Variants in FXR1 observed in about 807,000 individuals in gnomAD.
FXR1 encodes the protein FMR1 autosomal homolog 1, also known as RNA-binding protein FXR1.
In FXR1, 15 loss-of-function variants were observed where a neutral mutation model predicts 84.0. The ratio of observed to expected loss-of-function variants is 0.18; its 90% CI spans 0.12 to 0.27. The LOEUF is 0.27. FXR1 is among the 10% of genes least tolerant of loss of function. FXR1 has a pLI of 1.00. For synonymous variants in FXR1, 245 were observed against 250.7 expected, an observed-to-expected ratio of 0.98 and a Z score of 0.21; for missense variants, 480 against 774.4, an observed-to-expected ratio of 0.62 and a Z score of 4.51.
intron 10 of FXR1, 98 bp from the exon 11 acceptor site, chr3:180,961,356 AAAAAAAAAAAAGGT>A (rs1361507863): frequency 1.2e-5 from 5 of 427,788 alleles, no homozygotes; most frequent in African/African-American, 6.1e-5. Context: ...AAAAAAAAAA[AAAAAAAAAAAAGGT>A]GTGTGTGTGT....
intron 1 of FXR1, among the ~76,000 whole-genome samples, chr3:180,918,304 AATTTTT>A (rs1481804600): frequency 6.6e-5 from 10 of 151,714 alleles, no homozygotes; most frequent in Non-Finnish European, 1.5e-5. Flanking sequence ...TTATTTTTTT[AATTTTT>A]ATTTTTTAGT....
At chr3:180,941,311 G>C (rs1721097788) in intron 3 of FXR1, among the ~76,000 whole-genome samples, 1 of 151,654 alleles carries the variant, frequency 6.6e-6, no homozygotes, top group South Asian at 2.1e-4. Flanking sequence ...CCCTGTCTCA[G>C]CTTCTTGAGT....
rs535418184 is a variant in FXR1, at chr3:180,954,176, A to G, written c.880+336A>G. The stretch of plus-strand genomic sequence containing the variant: ...CTCCTTTACTCTCTTTTTATCACTG[A>G]TATATATTCATCAAAATTATGATAG... On this transcript the variant is annotated intron_variant, in intron 9 of 16. Coordinates refer to ENST00000357559, the MANE Select transcript of FXR1 (RefSeq NM_005087.4). 3.3e-5 allele frequency: 6 copies of G among 183,602 alleles called. No individual in the cohort carries two copies. The South Asian group carries it at 5.4e-4, about 17-fold the overall frequency. The allele number at this position is 183,602 out of a possible 1,614,324, so 11.4% of individuals were successfully genotyped here.
At chr3:180,933,270 C>T (rs1000833733) in intron 1 of FXR1, 64 bp from the exon 2 acceptor site, 6 of 945,768 alleles carry the variant, frequency 6.3e-6, no homozygotes, top group Non-Finnish European at 6.8e-6. Flanking sequence ...TGAACTAATA[C>T]AACCTTTTAG....
Position 180,981,072 on chromosome 3 carries a change from C to T in FXR1, c.*4780C>T, listed in dbSNP as rs1714588101. On this transcript the variant is annotated 3_prime_UTR_variant, in exon 17 of 17. Coordinates refer to ENST00000357559, the MANE Select transcript of FXR1 (RefSeq NM_005087.4). Reference sequence around the variant, plus strand: ...TTCTTGTGCACTCAATGTGAACCTACTACAAGCTTCTGAACTGCAAAACCT... The same window carrying T: ...TTCTTGTGCACTCAATGTGAACCTATTACAAGCTTCTGAACTGCAAAACCT... 6.6e-6 allele frequency: 1 copy of T among 151,870 alleles called. No homozygotes were observed. Among genetic ancestry groups the T allele is most frequent in the Non-Finnish European group, 1.5e-5 (1 of 67,908 alleles). The allele number at this position is 151,870 out of a possible 1,614,324, so 9.4% of individuals were successfully genotyped here. A position where few individuals can be genotyped will look rare whatever the true frequency, so the allele number is the denominator to read the frequency against.
rs1714561112 is a variant in FXR1 at position 180,980,540 on chromosome 3, G to GCA, written c.*4248_*4249insCA. 6.6e-6 allele frequency: 1 copy of GCA among 151,822 alleles called. No homozygotes were observed. Among genetic ancestry groups the GCA allele is most frequent in the Admixed American group, 6.6e-5 (1 of 15,240 alleles). The allele number at this position is 151,822 out of a possible 1,614,324, so 9.4% of individuals were successfully genotyped here. A position where few individuals can be genotyped will look rare whatever the true frequency, so the allele number is the denominator to read the frequency against. On this transcript the variant is annotated 3_prime_UTR_variant, in exon 17 of 17. Coordinates refer to ENST00000357559, the MANE Select transcript of FXR1 (RefSeq NM_005087.4). ...AACAATTTATACTTAATTGTTGCTT[G>GCA]GTTGCTTACATTTCAACCTCTAGGC... is the stretch of plus-strand genomic sequence containing the variant.
chr3:180,966,730 C>T (rs186891890), intron 13 of FXR1, among the ~76,000 whole-genome samples: 117 of 152,012 alleles, frequency 7.7e-4, no homozygotes, highest in African/African-American at 2.4e-3. Context: ...AGATGTGGGG[C>T]GATTTTAGGA....
chr3:180,942,294 C>T (rs1721208641), intron 3 of FXR1, among the ~76,000 whole-genome samples: 1 of 139,374 alleles, frequency 7.2e-6, no homozygotes, highest in Non-Finnish European at 1.5e-5. Context: ...AGGAGAATGG[C>T]GTGAACCCCG....
intron 1 of FXR1, among the ~76,000 whole-genome samples, chr3:180,917,230 T>C (rs1275370606): frequency 6.6e-6 from 1 of 152,114 alleles, no homozygotes; most frequent in Admixed American, 6.6e-5. Context: ...CCTGTTTAGC[T>C]TGATTTAATA....
At chr3:180,935,562 A>ATAATTTGTCT (rs1720425850) in intron 3 of FXR1, among the ~76,000 whole-genome samples, 1 of 152,226 alleles carries the variant, frequency 6.6e-6, no homozygotes, top group Non-Finnish European at 1.5e-5. Flanking sequence ...ATTACTTTAA[A>ATAATTTGTCT]TAATTTGTCT....
chr3:180,935,466 A>T (rs1720415370), intron 3 of FXR1, among the ~76,000 whole-genome samples: 1 of 152,210 alleles, frequency 6.6e-6, no homozygotes, highest in Admixed American at 6.5e-5. Context: ...TTTGGAAGTC[A>T]TGGATGATAG....
chr3:180,945,429 G>C lies in FXR1; in HGVS notation c.199-2436G>C, dbSNP rs1340459752. Among the ~76,000 whole-genome samples, 3 of 152,100 alleles carry C rather than the reference G, an allele frequency of 2.0e-5. No individual in the cohort carries two copies. The South Asian group carries it at 6.2e-4, about 31-fold the overall frequency. On this transcript the variant is annotated intron_variant, in intron 3 of 16. Coordinates refer to ENST00000357559, the MANE Select transcript of FXR1 (RefSeq NM_005087.4). ...TTTACCTTTTTTTTCCCCCTGGACA[G>C]GGTCTCGTTCTGTCACCCAGGGTTG...
intron 13 of FXR1, among the ~76,000 whole-genome samples, chr3:180,963,498 A>G (rs186453691): frequency 6.9e-4 from 105 of 152,270 alleles, no homozygotes; most frequent in Non-Finnish European, 2.2e-4. Flanking sequence ...AAAAATGAAA[A>G]GTGTGCGAAT....
At chr3:180,926,186 A>G (rs1719153809) in intron 1 of FXR1, among the ~76,000 whole-genome samples, 1 of 152,166 alleles carries the variant, frequency 6.6e-6, no homozygotes, top group Non-Finnish European at 1.5e-5. Flanking sequence ...AAATGTTTAA[A>G]TTTCATGCCA....
chr3:180,925,903 C>G (rs1235085146), intron 1 of FXR1, among the ~76,000 whole-genome samples: 1 of 152,018 alleles, frequency 6.6e-6, no homozygotes, highest in Non-Finnish European at 1.5e-5. Context: ...CAAATTTATC[C>G]ACATCAGTAA....
intron 1 of FXR1, chr3:180,915,421 C>T (rs1412625667): frequency 5.8e-6 from 5 of 865,348 alleles, no homozygotes; most frequent in Middle Eastern, 2.9e-4. Flanking sequence ...TATATAGAAT[C>T]GTACACTATA....
intron 7 of FXR1, among the ~76,000 whole-genome samples, chr3:180,950,935 G>A (rs559443177): frequency 6.4e-4 from 98 of 152,154 alleles, no homozygotes; most frequent in African/African-American, 2.3e-3. Context: ...TTTTGTGGCC[G>A]CGTGTGGTAG....
At chr3:180,931,045 A>AAAAAAAAAAAAAAG (rs1719836990) in intron 1 of FXR1, among the ~76,000 whole-genome samples, 1 of 149,508 alleles carries the variant, frequency 6.7e-6, no homozygotes. Context: ...AAAAAAAAAA[A>AAAAAAAAAAAAAAG]AAGACGTGAA....
At chr3:180,970,130 A>G (rs1713346109) in intron 14 of FXR1, 28 bp from the exon 15 acceptor site, 1 of 1,280,518 alleles carries the variant, frequency 7.8e-7, no homozygotes, top group Non-Finnish European at 1.1e-6. Context: ...TCTTAAACGA[A>G]TATTTCTTGC....
Sources: allele counts gnomAD v4.1 joint callset (sites outside exome capture counted in the v4.1 genomes callset), GRCh38; gene constraint gnomAD v4.1.1; transcripts MANE v1.5; gene names NCBI Gene and HGNC (gene_info 2026-07-23, HGNC 2026-07-21).